The following SLC20A2 variants were observed in gnomAD, a reference collection of about 807,000 sequenced individuals.
SLC20A2 encodes solute carrier family 20 member 2, also known as sodium-dependent phosphate transporter 2.
Under a neutral mutation model 61.0 loss-of-function variants are expected in SLC20A2, and 30 were observed. The observed-to-expected ratio is 0.49, with a 90% CI of 0.37 to 0.67. The LOEUF (loss-of-function observed/expected upper bound fraction) is 0.67. Among genes scored for constraint, SLC20A2 ranks in the 30% least tolerant of loss-of-function variants. The pLI is 0.00. For synonymous variants in SLC20A2, 351 were observed against 353.3 expected, an observed-to-expected ratio of 0.99 and a Z score of 0.07; for missense variants, 626 against 866.4, an observed-to-expected ratio of 0.72 and a Z score of 3.48.
intron 10 of SLC20A2, among the ~76,000 whole-genome samples, chr8:42,427,534 C>G (rs535197560): frequency 1.3e-5 from 2 of 152,262 alleles, no homozygotes; most frequent in East Asian, 3.9e-4. Flanking sequence ...AGCACGGTAC[C>G]CAGCACTCTC....
At chr8:42,474,698 C>T (rs1161484077) in intron 1 of SLC20A2, among the ~76,000 whole-genome samples, 6 of 152,086 alleles carry the variant, frequency 3.9e-5, no homozygotes, top group East Asian at 1.9e-4. Flanking sequence ...TTGAGAAATA[C>T]GGCGATGAAC....
rs938212015 is a variant in SLC20A2 at position 42,437,713 on chromosome 8, G to T, written c.935-136C>A. On this transcript the variant is annotated intron_variant, in intron 7 of 10. Coordinates refer to ENST00000520262, the MANE Select transcript of SLC20A2 (RefSeq NM_001257180.2). The surrounding 1 kb of genome is among the most constrained non-coding windows in gnomAD (Gnocchi z 6.4). ...GGCTCACTGCAACCTTCGCCTCCCG[G>T]GTTCAAGCGATTCTCCCTCAGCCTC... The T allele has an allele frequency of 3.0e-6, 2 of 659,690 alleles. No individual in the cohort carries two copies. The highest frequency in any genetic ancestry group is 1.8e-5 in the African/African-American group (1 of 54,172). The allele number at this position is 659,690 out of a possible 1,614,324, so 40.9% of individuals were successfully genotyped here. A position where few individuals can be genotyped will look rare whatever the true frequency, so the allele number is the denominator to read the frequency against.
intron 1 of SLC20A2, among the ~76,000 whole-genome samples, chr8:42,499,876 T>C (rs1163886003): frequency 6.6e-6 from 1 of 152,252 alleles, no homozygotes; most frequent in African/African-American, 2.4e-5. Flanking sequence ...AGTAAGTTTC[T>C]TTCTAAAAAT....
intron 10 of SLC20A2, chr8:42,419,548 C>CA (rs995627482): frequency 9.5e-4 from 197 of 207,420 alleles, no homozygotes; most frequent in Middle Eastern, 2.5e-3. Flanking sequence ...GACTCAGTCT[C>CA]AAAAAAAAAT....
chr8:42,469,296 A>G (rs1049968189), intron 2 of SLC20A2, among the ~76,000 whole-genome samples: 1 of 152,200 alleles, frequency 6.6e-6, no homozygotes, highest in Non-Finnish European at 1.5e-5. Context: ...AATTCCCAAC[A>G]AAATAGGCTT....
intron 1 of SLC20A2, among the ~76,000 whole-genome samples, chr8:42,532,775 G>A (rs1473487013): frequency 6.6e-6 from 1 of 152,180 alleles, no homozygotes; most frequent in African/African-American, 2.4e-5. Context: ...AGGCGGTGGA[G>A]AAGAACAAAG....
intron 1 of SLC20A2, among the ~76,000 whole-genome samples, chr8:42,538,723 C>T (rs1303140257): frequency 6.6e-6 from 1 of 152,200 alleles, no homozygotes; most frequent in African/African-American, 2.4e-5. Flanking sequence ...GAATGAGAAA[C>T]GCTTGTCTTC....
upstream of SLC20A2, among the ~76,000 whole-genome samples, chr8:42,501,825 T>C (rs1563529499): frequency 1.3e-5 from 2 of 152,222 alleles, no homozygotes; most frequent in Non-Finnish European, 2.9e-5. Flanking sequence ...TTAAGGTGGA[T>C]TTAACTCCTT....
At chr8:42,506,855 G>A (rs1810739451) in intron 1 of SLC20A2, among the ~76,000 whole-genome samples, 1 of 152,188 alleles carries the variant, frequency 6.6e-6, no homozygotes, top group Non-Finnish European at 1.5e-5. Flanking sequence ...TCTGGGCTTG[G>A]CCAGTAGGAC....
intron 10 of SLC20A2, among the ~76,000 whole-genome samples, 153 bp downstream of exon 10, chr8:42,428,605 T>C (rs1031915226): frequency 3.3e-5 from 5 of 152,218 alleles, no homozygotes; most frequent in African/African-American, 4.8e-5. Context: ...AGGGAACAGA[T>C]GGAGGAATAC....
chr8:42,510,822 A>G (rs910343676), intron 1 of SLC20A2, among the ~76,000 whole-genome samples: 7 of 152,278 alleles, frequency 4.6e-5, no homozygotes, highest in Middle Eastern at 3.4e-3. Context: ...CTCAATGCAC[A>G]TAAAGCACTT....
At chr8:42,493,331 C>G (rs746441194) in intron 1 of SLC20A2, among the ~76,000 whole-genome samples, 19 of 152,232 alleles carry the variant, frequency 1.2e-4, no homozygotes, top group Non-Finnish European at 2.5e-4. Context: ...CCAGTACTTT[C>G]TTAAAGTGCT....
At chr8:42,418,027 A>G in intron 10 of SLC20A2, 60 bp from the exon 11 acceptor site, 1 of 1,415,340 alleles carries the variant, frequency 7.1e-7, no homozygotes. Context: ...CACTCTACCA[A>G]TGTACATGGG....
At chr8:42,443,305 A>ATATT in intron 6 of SLC20A2, among the ~76,000 whole-genome samples, 2 of 122,068 alleles carry the variant, frequency 1.6e-5, no homozygotes, top group African/African-American at 3.0e-5. Flanking sequence ...ATATATATAT[A>ATATT]TATAATAAAA....
At chr8:42,435,251 G>T (rs1804161491) in intron 8 of SLC20A2, among the ~76,000 whole-genome samples, 1 of 152,148 alleles carries the variant, frequency 6.6e-6, no homozygotes, top group African/African-American at 2.4e-5. Context: ...CTTCTTTTAC[G>T]AACAGCAGAG....
intron 1 of SLC20A2, among the ~76,000 whole-genome samples, chr8:42,533,803 C>T (rs1287968112): frequency 6.6e-6 from 1 of 151,038 alleles, no homozygotes; most frequent in Non-Finnish European, 1.5e-5. Flanking sequence ...GGATTACAGG[C>T]GTGCACCACC....
chr8:42,442,572 C>T, intron 6 of SLC20A2, among the ~76,000 whole-genome samples: 1 of 152,210 alleles, frequency 6.6e-6, no homozygotes, highest in African/African-American at 2.4e-5. Flanking sequence ...CTATGTGTCT[C>T]TCTCTTCCAC....
chr8:42,426,714 AAAACAAAAC>A (rs1204880086), intron 10 of SLC20A2, among the ~76,000 whole-genome samples: 1 of 152,000 alleles, frequency 6.6e-6, no homozygotes, highest in Non-Finnish European at 1.5e-5. Flanking sequence ...AAAACAAAAC[AAAACAAAAC>A]AAAAAAAAGC....
chr8:42,472,769 G>A lies in SLC20A2; in HGVS notation c.-264-115C>T, dbSNP rs960294843. 2 of 175,384 alleles carry A rather than the reference G, an allele frequency of 1.1e-5. No homozygotes were observed. The highest frequency in any genetic ancestry group is 2.4e-5 in the African/African-American group (1 of 41,882). The allele number at this position is 175,384 out of a possible 1,614,324, so 10.9% of individuals were successfully genotyped here. ...ATGGGATCTAACTTTGGCATGTGAC[G>A]GACCTAACCATAAAGCAATTCAAGG... On this transcript the variant is annotated intron_variant, in intron 1 of 10. Coordinates refer to ENST00000520262, the MANE Select transcript of SLC20A2 (RefSeq NM_001257180.2). This position sits in a 1 kb window ranked among gnomAD's most constrained non-coding sequence, Gnocchi z 4.1.
Sources: allele counts gnomAD v4.1 joint callset (sites outside exome capture counted in the v4.1 genomes callset), GRCh38; gene constraint gnomAD v4.1.1; non-coding constraint Gnocchi (gnomAD v3.1); transcripts MANE v1.5; gene names NCBI Gene and HGNC (gene_info 2026-07-23, HGNC 2026-07-21).